The following PTPN4 variants were observed in gnomAD, a reference collection of about 807,000 sequenced individuals.
The protein encoded by PTPN4 is protein tyrosine phosphatase non-receptor type 4.
Under a neutral mutation model 135.5 loss-of-function variants are expected in PTPN4, and 49 were observed. The observed-to-expected ratio is 0.36, with a 90% CI of 0.29 to 0.46. The LOEUF is 0.46. Ranked by LOEUF, PTPN4 falls within the 20% of genes least tolerant of loss-of-function variation. The pLI is 1.00. For synonymous variants in PTPN4, 333 were observed against 369.9 expected (o/e 0.90, Z 1.14); for missense variants, 860 against 1,101.0 (o/e 0.78, Z 3.10).
In PTPN4 at chr2:119,977,973, A is replaced by C. The variant is rs1268036619; in HGVS notation, c.*903A>C. 2 of 152,212 alleles carry C rather than the reference A, an allele frequency of 1.3e-5. No homozygotes were observed. Among genetic ancestry groups the C allele is most frequent in the Non-Finnish European group, 2.9e-5 (2 of 68,030 alleles). 9.4% of individuals were successfully genotyped at this position (152,212 alleles called of 1,614,324 possible). A position where few individuals can be genotyped will look rare whatever the true frequency, so the allele number is the denominator to read the frequency against. ...CAGCTATATTGAGTGTTATACAGTC[A>C]AAGAAGGGTAAGGAAATTCTGTTTC... On this transcript the variant is annotated 3_prime_UTR_variant, in exon 27 of 27. Transcript: ENST00000263708.
chr2:119,839,908 T>C (rs143384107), intron 2 of PTPN4, among the ~76,000 whole-genome samples: 8 of 152,342 alleles, frequency 5.3e-5, no homozygotes, highest in African/African-American at 9.6e-5. Flanking sequence ...TTGTGACTTA[T>C]TGACAGGCTT....
intron 2 of PTPN4, among the ~76,000 whole-genome samples, chr2:119,848,715 C>G (rs957087924): frequency 2.6e-5 from 4 of 152,146 alleles, no homozygotes; most frequent in African/African-American, 9.7e-5. Context: ...ATTCTCCTGT[C>G]TCAGCCTCCT....
rs1679667844 is a variant in PTPN4 at position 119,979,938 on chromosome 2, A to G, written c.*2868A>G. Reference sequence around the variant, plus strand: ...GTTCATTTCAGGTGTTTTATTGAGCATCTGATTTGTGTCAGCACCATGTAA... The same window carrying G: ...GTTCATTTCAGGTGTTTTATTGAGCGTCTGATTTGTGTCAGCACCATGTAA... On this transcript the variant is annotated 3_prime_UTR_variant, in exon 27 of 27. Transcript: ENST00000263708. The G allele has an allele frequency of 6.6e-6, 1 of 152,150 alleles. No homozygotes were observed. The highest frequency in any genetic ancestry group is 1.5e-5 in the Non-Finnish European group (1 of 67,972). The allele number at this position is 152,150 out of a possible 1,614,324, so 9.4% of individuals were successfully genotyped here.
chr2:119,958,458 A>G (rs1372726240), intron 22 of PTPN4, among the ~76,000 whole-genome samples: 3 of 152,230 alleles, frequency 2.0e-5, no homozygotes, highest in African/African-American at 4.8e-5. Context: ...AGAGAATAGT[A>G]TAAAAGAGTC....
chr2:119,833,726 C>T (rs1371206991), intron 2 of PTPN4, among the ~76,000 whole-genome samples: 1 of 152,034 alleles, frequency 6.6e-6, no homozygotes, highest in East Asian at 1.9e-4. Flanking sequence ...GTTCTGTAAA[C>T]AGTATATAAT....
intron 2 of PTPN4, among the ~76,000 whole-genome samples, chr2:119,859,401 A>G (rs540274318): frequency 6.0e-4 from 92 of 152,238 alleles, no homozygotes; most frequent in Non-Finnish European, 1.1e-3. Flanking sequence ...TCACCTTGGT[A>G]GCATACAGGT....
chr2:119,929,174 G>A (rs1022892124), intron 13 of PTPN4, among the ~76,000 whole-genome samples: 3 of 152,088 alleles, frequency 2.0e-5, no homozygotes, highest in African/African-American at 7.2e-5. Flanking sequence ...GGTTGTAATA[G>A]TACTGGGCTG....
intron 2 of PTPN4, among the ~76,000 whole-genome samples, chr2:119,829,097 A>G (rs981654351): frequency 2.0e-5 from 3 of 152,106 alleles, no homozygotes; most frequent in African/African-American, 7.2e-5. Context: ...TCCAATTCTT[A>G]TCTCACTCTT....
intron 9 of PTPN4, among the ~76,000 whole-genome samples, chr2:119,899,985 C>T (rs1678380393): frequency 6.6e-6 from 1 of 152,068 alleles, no homozygotes; most frequent in Admixed American, 6.6e-5. Context: ...AAGCGTGCCT[C>T]CTGTATTAGG....
intron 18 of PTPN4, among the ~76,000 whole-genome samples, chr2:119,951,484 T>C (rs1352886891): frequency 1.1e-4 from 17 of 152,230 alleles, no homozygotes; most frequent in Non-Finnish European, 4.4e-5. Flanking sequence ...TGAAAACAGA[T>C]GACCATCAGA....
At chr2:119,844,818 A>G (rs1339615313) in intron 2 of PTPN4, among the ~76,000 whole-genome samples, 9 of 134,726 alleles carry the variant, frequency 6.7e-5, no homozygotes, top group Admixed American at 5.0e-4. Context: ...ATGGGCGGCC[A>G]GGCAGAGACA....
chr2:119,879,200 T>C (rs1262346875), intron 5 of PTPN4, among the ~76,000 whole-genome samples: 1 of 152,240 alleles, frequency 6.6e-6, no homozygotes, highest in African/African-American at 2.4e-5. Context: ...GTTTATAATG[T>C]ACTTCACTTG....
intron 16 of PTPN4, among the ~76,000 whole-genome samples, 186 bp from the exon 17 acceptor site, chr2:119,946,155 T>C (rs1679129796): frequency 6.6e-6 from 1 of 152,068 alleles, no homozygotes; most frequent in Non-Finnish European, 1.5e-5. Flanking sequence ...AGAGGATATA[T>C]CTGGTTGGGC....
chr2:119,774,971 C>T (rs540045874), intron 1 of PTPN4, among the ~76,000 whole-genome samples: 12 of 150,906 alleles, frequency 8.0e-5, no homozygotes, highest in Non-Finnish European at 1.8e-4. Context: ...GAGCCAATAT[C>T]GCGCCACTGC....
At position 119,896,466 on chromosome 2, in the gene PTPN4, T is replaced by A. The variant is rs114669395; in HGVS notation, c.676-4252T>A. Among the ~76,000 whole-genome samples, 549 of 152,342 alleles carry A rather than the reference T, an allele frequency of 3.6e-3. 3 individuals are homozygous for A. The highest frequency in any genetic ancestry group is 0.013 in the African/African-American group (527 of 41,580). The stretch of plus-strand genomic sequence containing the variant: ...CAACATAATTTGCTGTCCTCTCTAT[T>A]TCCTGCAGATTGGCAGCTTAATCTA... On this transcript the variant is annotated intron_variant, in intron 9 of 26. Transcript: ENST00000263708.
At chr2:119,854,553 A>G (rs114425911) in intron 2 of PTPN4, among the ~76,000 whole-genome samples, 2,065 of 152,266 alleles carry the variant, frequency 0.014, 36 homozygotes, top group Non-Finnish European at 0.024. Context: ...AAGAGCAGCT[A>G]GGGTTCCTCT....
chr2:119,800,804 T>C (rs1387836283), intron 1 of PTPN4, among the ~76,000 whole-genome samples: 1 of 152,236 alleles, frequency 6.6e-6, no homozygotes, highest in Non-Finnish European at 1.5e-5. Context: ...GGTTCAGCAC[T>C]GTTTGTTGAA....
intron 12 of PTPN4, 89 bp downstream of exon 12, chr2:119,920,330 T>C: frequency 7.2e-7 from 1 of 1,383,612 alleles, no homozygotes; most frequent in Non-Finnish European, 9.8e-7. Flanking sequence ...CCATACAACC[T>C]TTGTTACACA....
intron 10 of PTPN4, among the ~76,000 whole-genome samples, chr2:119,905,147 TAAC>T (rs1678468243): frequency 6.6e-6 from 1 of 152,066 alleles, no homozygotes; most frequent in African/African-American, 2.4e-5. Flanking sequence ...GATCTTTACT[TAAC>T]AACATTGAAT....
Sources: allele counts gnomAD v4.1 joint callset (sites outside exome capture counted in the v4.1 genomes callset), GRCh38; gene constraint gnomAD v4.1.1; transcripts MANE v1.5; gene names NCBI Gene and HGNC (gene_info 2026-07-23, HGNC 2026-07-21).